TIAM2: variants seen among roughly 807,000 people sequenced by gnomAD.
TIAM2 encodes the protein TIAM Rac1 associated GEF 2, also known as rho guanine nucleotide exchange factor TIAM2.
Under a neutral mutation model 152.9 loss-of-function variants are expected in TIAM2, and 80 were observed. That is an observed-to-expected ratio of 0.52 (90% CI 0.44 to 0.63). TIAM2 has a LOEUF of 0.63. TIAM2 is among the 30% of genes least tolerant of loss of function. TIAM2 has a pLI of 0.00. For missense variants in TIAM2, 1,965 were observed against 2,120.1 expected (o/e 0.93, Z 1.44); for synonymous variants, 804 against 838.0 (o/e 0.96, Z 0.70).
At chr6:155,199,194 G>A (rs935649197) in intron 14 of TIAM2, among the ~76,000 whole-genome samples, 2 of 152,072 alleles carry the variant, frequency 1.3e-5, no homozygotes, top group East Asian at 3.9e-4. Context: ...TCCTGCCTCA[G>A]CCTCCTGAGT....
chr6:155,022,540 T>G (rs1776519907), intron 1 of TIAM2: 1 of 152,300 alleles, frequency 6.6e-6, no homozygotes, highest in Non-Finnish European at 1.5e-5. Context: ...CCCCAGGTGA[T>G]CCACCTGCCT....
intron 7 of TIAM2, among the ~76,000 whole-genome samples, chr6:155,162,209 C>T (rs112809515): frequency 0.099 from 15,096 of 152,174 alleles, 969 homozygotes; most frequent in Middle Eastern, 0.17. Flanking sequence ...CTGCCCACCT[C>T]GGCCTCTCCA....
At chr6:155,172,664 ATATATATATATATATATATATATT>A (rs1780628088) in intron 9 of TIAM2, among the ~76,000 whole-genome samples, 3 of 7,552 alleles carry the variant, frequency 4.0e-4, no homozygotes, top group Non-Finnish European at 1.1e-3. Context: ...ATATATATAT[ATATATATATATATATATATATATT>A]TTTTTTTTTT....
intron 1 of TIAM2, among the ~76,000 whole-genome samples, chr6:155,039,984 A>G (rs567130678): frequency 6.6e-6 from 1 of 152,330 alleles, no homozygotes; most frequent in African/African-American, 2.4e-5. Flanking sequence ...CCAAACTTCA[A>G]TTTGGCAATA....
chr6:155,087,419 G>A (rs1376153175), intron 1 of TIAM2, among the ~76,000 whole-genome samples: 2 of 152,330 alleles, frequency 1.3e-5, no homozygotes, highest in South Asian at 4.1e-4. Flanking sequence ...AGAGCCTAGT[G>A]AAGCTTGATT....
chr6:155,114,040 T>A (rs867481729), intron 2 of TIAM2, among the ~76,000 whole-genome samples: 1,542 of 38,486 alleles, frequency 0.04, 41 homozygotes, highest in African/African-American at 0.067. Context: ...ATATATATTT[T>A]TTTTTTTTTC....
chr6:155,253,988 C>A lies in TIAM2; in HGVS notation c.4241C>A (p.Ser1414Tyr), dbSNP rs753532328. 5 of 1,612,670 alleles carry A rather than the reference C, an allele frequency of 3.1e-6. No homozygotes were observed. The highest frequency in any genetic ancestry group is 4.2e-6 in the Non-Finnish European group (5 of 1,179,590). ...TTTTACATAGGGACAGAAAATAATT[C>A]CATATGGGAACTGATCCATACGAAG... The part of the protein sequence containing the change: ...LGNPAGTENN[S>Y]IWELIHTKSE... Residue 1414 changes from serine (S) to tyrosine (Y), a missense_variant, in exon 25 of 27, where the codon TCC becomes TAC. Ser to Tyr is a moderately radical substitution (Grantham distance 144). Around this residue, in one of 3 missense-constraint regions of TIAM2, gnomAD observed 935 missense variants for 980.0 expected, o/e 0.95. Transcript: ENST00000682666.
At chr6:155,246,483 TTTAA>T (rs769197006) in intron 19 of TIAM2, among the ~76,000 whole-genome samples, 14 of 151,932 alleles carry the variant, frequency 9.2e-5, no homozygotes, top group African/African-American at 2.4e-4. Flanking sequence ...TTTAATTAAA[TTTAA>T]TTAATTAATT....
chr6:155,122,493 G>A (rs1295511490), intron 2 of TIAM2, among the ~76,000 whole-genome samples: 1 of 152,006 alleles, frequency 6.6e-6, no homozygotes, highest in East Asian at 1.9e-4. Context: ...GGATTTTGGG[G>A]ATTGGGAGGG....
At chr6:155,058,512 G>A (rs1258020788) in intron 1 of TIAM2, among the ~76,000 whole-genome samples, 1 of 152,166 alleles carries the variant, frequency 6.6e-6, no homozygotes, top group Non-Finnish European at 1.5e-5. Context: ...AGCCCTTGAC[G>A]TTAATAAAAA....
At chr6:155,171,844 C>G (rs1282833109) in intron 9 of TIAM2, among the ~76,000 whole-genome samples, 5 of 152,118 alleles carry the variant, frequency 3.3e-5, no homozygotes, top group Non-Finnish European at 5.9e-5. Context: ...GTTAAGAAAA[C>G]TGGGAGCGTG....
intron 2 of TIAM2, among the ~76,000 whole-genome samples, chr6:155,097,748 G>A (rs1039701445): frequency 6.6e-6 from 1 of 152,180 alleles, no homozygotes; most frequent in Non-Finnish European, 1.5e-5. Context: ...ATGTCCTGAA[G>A]CATTTCCCAA....
intron 15 of TIAM2, among the ~76,000 whole-genome samples, chr6:155,239,926 C>G (rs564090469): frequency 6.6e-6 from 1 of 151,144 alleles, no homozygotes; most frequent in African/African-American, 2.4e-5. Flanking sequence ...TCTGCTTCTA[C>G]TCCATTACTA....
chr6:155,249,721 A>G (rs1347320676), intron 20 of TIAM2, 130 bp from the exon 21 acceptor site: 1 of 660,902 alleles, frequency 1.5e-6, no homozygotes, highest in Non-Finnish European at 2.5e-6. Context: ...CTTATTCTGA[A>G]TGTAATGCTC....
chr6:155,158,860 G>A (rs1780192144), intron 7 of TIAM2, among the ~76,000 whole-genome samples: 1 of 150,596 alleles, frequency 6.6e-6, no homozygotes, highest in Non-Finnish European at 1.5e-5. Context: ...AGTATTTAAA[G>A]AATTTAGGAA....
rs73577475 is a variant in TIAM2 at position 155,225,561 on chromosome 6, G to C, written c.3168+14254G>C. 9.4e-3 allele frequency among the ~76,000 whole-genome samples: 1,424 copies of C among 152,238 alleles called. 26 individuals are homozygous for C. The highest frequency in any genetic ancestry group is 0.033 in the African/African-American group (1,355 of 41,544). On this transcript the variant is annotated intron_variant, in intron 15 of 26. Transcript: ENST00000682666. Reference sequence around the variant, plus strand: ...CATCTTTTTCTTGCCTGAGTGTCCTGGTTCTGCTGCCTTCTCTAGATCCCC... The same window carrying C: ...CATCTTTTTCTTGCCTGAGTGTCCTCGTTCTGCTGCCTTCTCTAGATCCCC...
At chr6:155,161,907 G>A (rs1236124725) in intron 7 of TIAM2, among the ~76,000 whole-genome samples, 1 of 151,582 alleles carries the variant, frequency 6.6e-6, no homozygotes, top group Non-Finnish European at 1.5e-5. Context: ...ACCATGGATT[G>A]CATGGGCATC....
chr6:155,129,645 A>G lies in TIAM2; in HGVS notation c.422A>G (p.Tyr141Cys), dbSNP rs148543891. 2,324 of 1,614,158 alleles carry G rather than the reference A, an allele frequency of 1.4e-3. 36 individuals carry two copies. Among genetic ancestry groups the G allele is most frequent in the Non-Finnish European group, 1.5e-4 (178 of 1,180,038 alleles). ...TGCAACGGACACCTTCTCAACTGCTACGGGAGGAATGAGAGCATTGCCTCC... is the reference window on the plus strand; with the variant it reads ...TGCAACGGACACCTTCTCAACTGCTGCGGGAGGAATGAGAGCATTGCCTCC... ...RDCNGHLLNCYGRNESIASTP... is the reference protein window; with the variant it reads ...RDCNGHLLNCCGRNESIASTP... Residue 141 changes from tyrosine to cysteine, a missense_variant, in exon 4 of 27, where the codon TAC (tyrosine) becomes TGC (cysteine). Physicochemically the swap from Tyr to Cys is radical, Grantham distance 194. This residue lies in a region of TIAM2 where 1,025 missense variants were observed against 1,119.4 expected (regional missense o/e 0.92). Transcript: ENST00000682666. This position sits in a 1 kb window ranked among gnomAD's most constrained non-coding sequence, Gnocchi z 4.8.
chr6:155,220,933 C>A (rs1216327679), intron 15 of TIAM2, among the ~76,000 whole-genome samples: 1 of 152,006 alleles, frequency 6.6e-6, no homozygotes, highest in Non-Finnish European at 1.5e-5. Context: ...ACCTCCACTA[C>A]AGGCCCCGGT....
Sources: allele counts gnomAD v4.1 joint callset (sites outside exome capture counted in the v4.1 genomes callset), GRCh38; gene constraint gnomAD v4.1.1; regional missense constraint gnomAD v4.1.1; non-coding constraint Gnocchi (gnomAD v3.1); transcripts MANE v1.5; gene names NCBI Gene and HGNC (gene_info 2026-07-23, HGNC 2026-07-21).